Variants in CTNNA3 observed in about 807,000 individuals in gnomAD.
CTNNA3 encodes the protein catenin alpha 3, also known as catenin alpha-3.
In CTNNA3, 76 loss-of-function variants were observed where a neutral mutation model predicts 95.7. The ratio of observed to expected loss-of-function variants is 0.79; its 90% confidence interval spans 0.66 to 0.96. CTNNA3 has a LOEUF of 0.96. CTNNA3 is among the 40% of genes least tolerant of loss of function. The probability of loss-of-function intolerance (pLI) is 0.00; values close to 1 mark genes in which losing one functional copy is unlikely to be tolerated. For missense variants in CTNNA3, 1,191 were observed against 1,089.8 expected, an observed-to-expected ratio of 1.09 and a Z score of -1.31; for synonymous variants, 431 against 374.4, an observed-to-expected ratio of 1.15 and a Z score of -1.74.
At chr10:66,032,883 T>C (rs1345569305) in intron 15 of CTNNA3, among the ~76,000 whole-genome samples, 2 of 152,210 alleles carry the variant, frequency 1.3e-5, no homozygotes, top group Non-Finnish European at 2.9e-5. Flanking sequence ...ATTCAATTTC[T>C]AATTTACAGG....
At chr10:66,729,524 A>T (rs1259283177) in intron 9 of CTNNA3, among the ~76,000 whole-genome samples, 4 of 152,230 alleles carry the variant, frequency 2.6e-5, no homozygotes, top group Non-Finnish European at 5.9e-5. Flanking sequence ...CATTATTCTA[A>T]GTGAAGTAAC....
chr10:67,529,745 T>A (rs552207590), intron 4 of CTNNA3, among the ~76,000 whole-genome samples: 1 of 152,216 alleles, frequency 6.6e-6, no homozygotes, highest in Admixed American at 6.5e-5. Flanking sequence ...AGGAAATTCA[T>A]GACAAATCCA....
chr10:65,956,438 T>C (rs2077734043), intron 17 of CTNNA3, among the ~76,000 whole-genome samples: 1 of 152,190 alleles, frequency 6.6e-6, no homozygotes, highest in South Asian at 2.1e-4. Context: ...AGATTTTGAA[T>C]GTGTTTGCTC....
intron 5 of CTNNA3, among the ~76,000 whole-genome samples, chr10:67,263,611 T>G (rs997263597): frequency 1.3e-5 from 2 of 152,192 alleles, no homozygotes; most frequent in African/African-American, 4.8e-5. Flanking sequence ...GCCTCCCTGC[T>G]TCATCTTGGT....
chr10:65,965,398 T>A (rs1589187439), intron 17 of CTNNA3, among the ~76,000 whole-genome samples: 2 of 121,296 alleles, frequency 1.6e-5, no homozygotes, highest in Non-Finnish European at 3.4e-5. Flanking sequence ...CTCTACTTTT[T>A]TTTTTTTTTT....
Position 66,065,639 on chromosome 10 carries a change from CT to C in CTNNA3, c.2159+3668del, listed in dbSNP as rs558832472. Among the ~76,000 whole-genome samples the C allele has an allele frequency of 8.3e-3, 1,266 of 152,160 alleles. 13 individuals are homozygous for C. Among genetic ancestry groups the C allele is most frequent in the African/African-American group, 0.029 (1,200 of 41,504 alleles). ...GCCCAGCATCCTCCTTTGTATGTTA[CT>C]TTTCTTATTAACACTTGAATGCTCT... On this transcript the variant is annotated intron_variant, in intron 15 of 17. Transcript: ENST00000433211.
At chr10:66,695,958 A>C (rs747053399) in intron 9 of CTNNA3, among the ~76,000 whole-genome samples, 2 of 150,940 alleles carry the variant, frequency 1.3e-5, no homozygotes, top group Non-Finnish European at 2.9e-5. Flanking sequence ...ACTAGTTTTC[A>C]GGTATCCATA....
intron 7 of CTNNA3, among the ~76,000 whole-genome samples, chr10:66,845,714 A>AAAAAC (rs1383940631): frequency 3.9e-5 from 5 of 128,962 alleles, no homozygotes; most frequent in Non-Finnish European, 6.6e-5. Flanking sequence ...AAAAAAAAAA[A>AAAAAC]AAAAAAAAAA....
At chr10:66,648,499 A>C (rs1211202059) in intron 9 of CTNNA3, among the ~76,000 whole-genome samples, 4 of 152,352 alleles carry the variant, frequency 2.6e-5, no homozygotes, top group Middle Eastern at 3.4e-3. Flanking sequence ...TCTCTAAAAA[A>C]GAGTCGAATA....
At chr10:66,133,377 T>C (rs913468544) in intron 13 of CTNNA3, among the ~76,000 whole-genome samples, 2 of 151,972 alleles carry the variant, frequency 1.3e-5, no homozygotes, top group Non-Finnish European at 1.5e-5. Context: ...TAGCCAGGCG[T>C]GGTGGCAGCC....
intron 13 of CTNNA3, among the ~76,000 whole-genome samples, chr10:66,132,199 A>G (rs2083137317): frequency 2.0e-5 from 3 of 152,222 alleles, no homozygotes; most frequent in Admixed American, 6.5e-5. Context: ...AGGAACTTAT[A>G]CAAATCTATA....
chr10:67,621,603 G>A (rs375796991), intron 2 of CTNNA3, among the ~76,000 whole-genome samples: 5 of 152,046 alleles, frequency 3.3e-5, no homozygotes, highest in African/African-American at 1.2e-4. Context: ...CAAAAAATTA[G>A]CTGGGCATGA....
At chr10:67,114,315 C>T (rs1859061777) in intron 7 of CTNNA3, among the ~76,000 whole-genome samples, 1 of 151,862 alleles carries the variant, frequency 6.6e-6, no homozygotes, top group Non-Finnish European at 1.5e-5. Context: ...TATTCTTAGA[C>T]AAGGTTCTGG....
Position 66,591,082 on chromosome 10 carries a change from T to C in CTNNA3, c.1374+30610A>G, listed in dbSNP as rs16923303. Among the ~76,000 whole-genome samples the C allele has an allele frequency of 2.5e-3, 384 of 152,274 alleles. 13 individuals are homozygous for C. The East Asian group carries it at 0.068, about 27-fold the overall frequency. On this transcript the variant is annotated intron_variant, in intron 10 of 17. Transcript: ENST00000433211. ...ATTTTGCTGACACTGGTTTCTGTAGTGTGATTTCTATTGAAGCGGGAAAGA... is the reference window on the plus strand; with the variant it reads ...ATTTTGCTGACACTGGTTTCTGTAGCGTGATTTCTATTGAAGCGGGAAAGA...
At chr10:66,187,683 A>G (rs980859646) in intron 13 of CTNNA3, among the ~76,000 whole-genome samples, 4 of 152,098 alleles carry the variant, frequency 2.6e-5, no homozygotes, top group African/African-American at 9.7e-5. Flanking sequence ...AACCAATAAG[A>G]AAGTTTAGTG....
intron 5 of CTNNA3, among the ~76,000 whole-genome samples, chr10:67,406,621 A>C (rs539797365): frequency 3.2e-4 from 48 of 152,278 alleles, no homozygotes; most frequent in African/African-American, 1.0e-3. Flanking sequence ...TCAAAAGATC[A>C]AAAATCCAGA....
At chr10:67,680,103 T>G (rs1840599393) in intron 1 of CTNNA3, among the ~76,000 whole-genome samples, 1 of 152,186 alleles carries the variant, frequency 6.6e-6, no homozygotes, top group Non-Finnish European at 1.5e-5. Flanking sequence ...GTAGGAGAGA[T>G]ATTAAAAATA....
chr10:66,324,976 T>C (rs1477088139), intron 12 of CTNNA3, among the ~76,000 whole-genome samples: 1 of 151,686 alleles, frequency 6.6e-6, no homozygotes, highest in Non-Finnish European at 1.5e-5. Flanking sequence ...AGCCTGGCAG[T>C]CTTCCTCAGC....
chr10:66,568,206 T>TA (rs1360526638), intron 10 of CTNNA3, among the ~76,000 whole-genome samples: 2 of 152,094 alleles, frequency 1.3e-5, no homozygotes, highest in East Asian at 1.9e-4. Flanking sequence ...TTAAGGACCT[T>TA]AAAAAATCAT....
Sources: gnomAD v4.1 joint callset for allele counts (sites outside exome capture counted in the v4.1 genomes callset) on GRCh38, gnomAD v4.1.1 for gene constraint, MANE v1.5 for transcripts, NCBI Gene and HGNC (gene_info 2026-07-23, HGNC 2026-07-21) for gene names.